KCNT2: variants seen among roughly 807,000 people sequenced by gnomAD.
The protein encoded by KCNT2 is potassium sodium-activated channel subfamily T member 2.
KCNT2 carries 67 observed loss-of-function variants against 153.8 expected under a neutral mutation model. The ratio of observed to expected loss-of-function variants is 0.44; its 90% CI spans 0.36 to 0.53. KCNT2 has a LOEUF of 0.53. Ranked by LOEUF, KCNT2 falls within the 20% of genes least tolerant of loss-of-function variation. The probability of loss-of-function intolerance (pLI) is 0.00; values close to 1 mark genes in which losing one functional copy is unlikely to be tolerated. For synonymous variants in KCNT2, 500 were observed against 458.8 expected, an observed-to-expected ratio of 1.09 and a Z score of -1.15; for missense variants, 975 against 1,354.8, an observed-to-expected ratio of 0.72 and a Z score of 4.40.
Position 196,526,494 on chromosome 1 carries a change from G to A in KCNT2, c.96-34153C>T, listed in dbSNP as rs1428698629. On this transcript the variant is annotated intron_variant, in intron 1 of 27. Coordinates refer to ENST00000294725, the MANE Select transcript of KCNT2 (RefSeq NM_198503.5). Reference sequence around the variant, plus strand: ...TTTTGAGATGGAGTCTTGCTTTGTCGCCAGGCTGGAGTGCAGTGGCACGAT... The same window carrying A: ...TTTTGAGATGGAGTCTTGCTTTGTCACCAGGCTGGAGTGCAGTGGCACGAT... Among the ~76,000 whole-genome samples the A allele has an allele frequency of 4.7e-5, 7 of 149,952 alleles. No homozygotes were observed. In the South Asian group the frequency reaches 8.4e-4, roughly 18 times the overall value.
At chr1:196,232,699 T>C (rs1654060275) in intron 27 of KCNT2, among the ~76,000 whole-genome samples, 1 of 151,526 alleles carries the variant, frequency 6.6e-6, no homozygotes, top group African/African-American at 2.4e-5. Flanking sequence ...ACTTTACCTG[T>C]CCACATTGTG....
intron 1 of KCNT2, among the ~76,000 whole-genome samples, chr1:196,565,987 TA>T (rs1273763901): frequency 6.6e-6 from 1 of 151,920 alleles, no homozygotes; most frequent in East Asian, 1.9e-4. Flanking sequence ...ACTATAAAAA[TA>T]AGTATCTGAG....
At chr1:196,464,083 T>A (rs1283910456) in intron 8 of KCNT2, among the ~76,000 whole-genome samples, 4 of 151,870 alleles carry the variant, frequency 2.6e-5, no homozygotes, top group Non-Finnish European at 5.9e-5. Context: ...TTTTTAAAAA[T>A]TTTAAGTACT....
intron 22 of KCNT2, among the ~76,000 whole-genome samples, chr1:196,292,811 C>CAAAAAAAAA (rs750026564): frequency 1.4e-5 from 1 of 69,290 alleles, no homozygotes; most frequent in Non-Finnish European, 2.7e-5. Flanking sequence ...GACTCTGTCT[C>CAAAAAAAAA]AAAAAAAAAA....
intron 4 of KCNT2, among the ~76,000 whole-genome samples, chr1:196,481,940 T>A (rs577872324): frequency 6.6e-6 from 1 of 152,246 alleles, no homozygotes; most frequent in Admixed American, 6.5e-5. Context: ...TTTATTGATA[T>A]TCTACCATAT....
At chr1:196,283,392 G>A (rs563246586) in intron 23 of KCNT2, among the ~76,000 whole-genome samples, 7 of 151,988 alleles carry the variant, frequency 4.6e-5, no homozygotes, top group South Asian at 2.1e-4. Context: ...CCAAGACCAC[G>A]CCACTGCACT....
intron 14 of KCNT2, among the ~76,000 whole-genome samples, chr1:196,355,489 A>G (rs1307252053): frequency 1.3e-5 from 2 of 151,948 alleles, no homozygotes; most frequent in East Asian, 1.9e-4. Context: ...CATTATTGAC[A>G]GTGATCATAA....
intron 8 of KCNT2, among the ~76,000 whole-genome samples, chr1:196,460,168 T>C (rs1021487737): frequency 3.3e-5 from 5 of 151,804 alleles, no homozygotes; most frequent in Non-Finnish European, 7.4e-5. Flanking sequence ...TTCTATAAGG[T>C]ATGTGCGTGT....
At chr1:196,529,716 C>G (rs553767479) in intron 1 of KCNT2, among the ~76,000 whole-genome samples, 1 of 152,134 alleles carries the variant, frequency 6.6e-6, no homozygotes, top group Admixed American at 6.6e-5. Flanking sequence ...GCAGGAAGAC[C>G]AGTGTACTGG....
chr1:196,284,248 A>AAAAAAAAAATATATATATATATAT, intron 23 of KCNT2, among the ~76,000 whole-genome samples: 2 of 10,046 alleles, frequency 2.0e-4, no homozygotes, highest in African/African-American at 2.7e-4. Context: ...AAAAAAAAAA[A>AAAAAAAAAATATATATATATATAT]ATATATATAT....
intron 22 of KCNT2, among the ~76,000 whole-genome samples, chr1:196,287,836 G>A (rs1022276491): frequency 3.9e-5 from 6 of 152,068 alleles, no homozygotes; most frequent in Non-Finnish European, 8.8e-5. Flanking sequence ...TATGGGCCAG[G>A]AGCTAGTTAA....
chr1:196,469,122 A>C, intron 5 of KCNT2, 54 bp from the exon 6 acceptor site: 1 of 990,274 alleles, frequency 1.0e-6, no homozygotes, highest in African/African-American at 1.6e-5. Context: ...CTCCTATTAA[A>C]GGGGGAAAAA....
chr1:196,483,172 T>G (rs1466474813), intron 3 of KCNT2, among the ~76,000 whole-genome samples: 3 of 152,184 alleles, frequency 2.0e-5, no homozygotes, highest in Non-Finnish European at 4.4e-5. Context: ...GTGCCAAATC[T>G]CATTTTATTT....
At chr1:196,453,304 C>G (rs1676380335) in intron 8 of KCNT2, among the ~76,000 whole-genome samples, 1 of 151,712 alleles carries the variant, frequency 6.6e-6, no homozygotes, top group South Asian at 2.1e-4. Context: ...GACTTTGGCT[C>G]AGGTGGTCGC....
In KCNT2 at chr1:196,280,854, C is replaced by T. The variant is rs932842373; in HGVS notation, c.2910+6G>A. On this transcript the variant is annotated splice_donor_region_variant and intron_variant, in intron 25 of 27. Transcript: ENST00000294725. ...TCAAAACAAGAATATTTTGTTATTT[C>T]CAAACCTCAGATGTAGTAAGTTTCT... is the stretch of plus-strand genomic sequence containing the variant. 6.2e-7 allele frequency: 1 copy of T among 1,610,956 alleles called. No homozygotes were observed. Among genetic ancestry groups the T allele is most frequent in the South Asian group, 1.1e-5 (1 of 91,006 alleles).
At chr1:196,255,613 T>C (rs1032386014) in intron 26 of KCNT2, among the ~76,000 whole-genome samples, 11 of 151,870 alleles carry the variant, frequency 7.2e-5, no homozygotes, top group African/African-American at 2.7e-4. Context: ...GAGAAATTAA[T>C]GGTTCTGCAG....
intron 1 of KCNT2, among the ~76,000 whole-genome samples, chr1:196,511,071 C>T (rs576444646): frequency 7.9e-5 from 12 of 151,388 alleles, no homozygotes; most frequent in South Asian, 2.1e-4. Context: ...AAAGGAAGCA[C>T]CTAAAAAAAG....
At chr1:196,457,004 T>G (rs1676728884) in intron 8 of KCNT2, among the ~76,000 whole-genome samples, 1 of 151,928 alleles carries the variant, frequency 6.6e-6, no homozygotes, top group African/African-American at 2.4e-5. Context: ...CAAAACAATT[T>G]AATTCTCAAC....
intron 12 of KCNT2, among the ~76,000 whole-genome samples, chr1:196,421,640 A>G (rs1016125346): frequency 1.3e-5 from 2 of 152,050 alleles, no homozygotes; most frequent in Non-Finnish European, 2.9e-5. Context: ...TCTCATATAT[A>G]TATTTCAAAA....
Sources: gnomAD v4.1 joint callset for allele counts (sites outside exome capture counted in the v4.1 genomes callset) on GRCh38, gnomAD v4.1.1 for gene constraint, MANE v1.5 for transcripts, NCBI Gene and HGNC (gene_info 2026-07-23, HGNC 2026-07-21) for gene names.